CDH18: variants seen among roughly 807,000 people sequenced by gnomAD.
CDH18 encodes cadherin 18.
Under a neutral mutation model 67.9 loss-of-function variants are expected in CDH18, and 31 were observed. The ratio of observed to expected loss-of-function variants is 0.46; its 90% confidence interval spans 0.34 to 0.62. CDH18 has a LOEUF of 0.62. CDH18 is among the 20% of genes least tolerant of loss of function. CDH18 has a pLI of 0.01. For missense variants in CDH18, 890 were observed against 975.5 expected, an observed-to-expected ratio of 0.91 and a Z score of 1.17; for synonymous variants, 362 against 347.2, an observed-to-expected ratio of 1.04 and a Z score of -0.48.
intron 2 of CDH18, among the ~76,000 whole-genome samples, chr5:20,195,057 T>C (rs962260054): frequency 1.3e-5 from 2 of 152,086 alleles, no homozygotes; most frequent in African/African-American, 4.8e-5. Flanking sequence ...TCCAACAGTA[T>C]AACTGCAAAG....
At chr5:19,576,689 A>G (rs1161602593) in intron 7 of CDH18, among the ~76,000 whole-genome samples, 1 of 152,190 alleles carries the variant, frequency 6.6e-6, no homozygotes, top group African/African-American at 2.4e-5. Flanking sequence ...AGGTTCCTCA[A>G]AAAACTGAAA....
At chr5:19,881,054 T>C (rs947139611) in intron 2 of CDH18, among the ~76,000 whole-genome samples, 4 of 152,190 alleles carry the variant, frequency 2.6e-5, no homozygotes, top group Admixed American at 6.6e-5. Flanking sequence ...GGAAGTGTTA[T>C]TCTGGCAAAA....
intron 1 of CDH18, among the ~76,000 whole-genome samples, chr5:20,333,375 C>T (rs543485073): frequency 7.9e-5 from 12 of 151,628 alleles, no homozygotes; most frequent in East Asian, 3.9e-4. Flanking sequence ...GGCATGGTGG[C>T]GCGTGCCTGT....
intron 2 of CDH18, among the ~76,000 whole-genome samples, chr5:20,170,337 T>A (rs2126643289): frequency 6.6e-6 from 1 of 152,244 alleles, no homozygotes; most frequent in Non-Finnish European, 1.5e-5. Context: ...TCCATCTATG[T>A]CCCTGCAAAG....
intron 2 of CDH18, among the ~76,000 whole-genome samples, chr5:19,853,817 T>C (rs1783975497): frequency 6.6e-6 from 1 of 152,096 alleles, no homozygotes; most frequent in Non-Finnish European, 1.5e-5. Flanking sequence ...AATCTCTCTC[T>C]GACAAGACAG....
chr5:20,437,944 T>G (rs545522180), intron 1 of CDH18, among the ~76,000 whole-genome samples: 1 of 151,452 alleles, frequency 6.6e-6, no homozygotes, highest in African/African-American at 2.4e-5. Context: ...TTATAAAAAT[T>G]TAAAAGATGG....
intron 2 of CDH18, among the ~76,000 whole-genome samples, chr5:19,946,436 G>C (rs1240862459): frequency 2.0e-5 from 3 of 152,106 alleles, no homozygotes; most frequent in African/African-American, 7.2e-5. Context: ...AGAGATCTAT[G>C]CAATAGACTG....
At chr5:19,860,346 C>A (rs1008064568) in intron 2 of CDH18, among the ~76,000 whole-genome samples, 6 of 151,676 alleles carry the variant, frequency 4.0e-5, no homozygotes, top group Admixed American at 2.0e-4. Flanking sequence ...CATTCTACAT[C>A]TCCAAATCCT....
intron 2 of CDH18, among the ~76,000 whole-genome samples, chr5:20,075,765 C>A (rs1743874477): frequency 6.6e-6 from 1 of 152,202 alleles, no homozygotes; most frequent in African/African-American, 2.4e-5. Flanking sequence ...ATGCAAAATT[C>A]CCCTGTGTTG....
At chr5:19,984,242 T>G (rs1210106721) in intron 1 of CDH18, among the ~76,000 whole-genome samples, 2 of 151,746 alleles carry the variant, frequency 1.3e-5, no homozygotes, top group South Asian at 2.1e-4. Context: ...GTTGTATATA[T>G]CCATATTAAT....
chr5:19,522,308 A>G (rs1393432718), intron 9 of CDH18, among the ~76,000 whole-genome samples: 1 of 152,174 alleles, frequency 6.6e-6, no homozygotes, highest in Admixed American at 6.5e-5. Context: ...CTTAATGGTG[A>G]AAAATCTAAG....
At chr5:19,731,907 T>TAGAGATACCTA in intron 4 of CDH18, among the ~76,000 whole-genome samples, 1 of 151,980 alleles carries the variant, frequency 6.6e-6, no homozygotes, top group South Asian at 2.1e-4. Context: ...CTGGGCAACA[T>TAGAGATACCTA]GGCAAAACCC....
chr5:20,546,828 C>T (rs1380486413), intron 1 of CDH18, among the ~76,000 whole-genome samples: 1 of 151,704 alleles, frequency 6.6e-6, no homozygotes, highest in Non-Finnish European at 1.5e-5. Flanking sequence ...TTCAACCAAG[C>T]ATACTGAAAA....
At chr5:20,041,540 G>T (rs1740421955) in intron 2 of CDH18, among the ~76,000 whole-genome samples, 1 of 152,052 alleles carries the variant, frequency 6.6e-6, no homozygotes, top group South Asian at 2.1e-4. Context: ...CTCCTCCCGT[G>T]GAAACAAATA....
intron 2 of CDH18, among the ~76,000 whole-genome samples, chr5:19,874,344 C>T (rs1214418351): frequency 2.0e-5 from 3 of 152,130 alleles, no homozygotes. Context: ...AGTTATCTGC[C>T]TGACTCCTTT....
chr5:20,447,880 T>G (rs527787359), intron 1 of CDH18, among the ~76,000 whole-genome samples: 2 of 152,230 alleles, frequency 1.3e-5, no homozygotes, highest in East Asian at 3.9e-4. Flanking sequence ...CTTTGAGATC[T>G]CTTATTTTAT....
At chr5:20,125,421 A>G (rs1424530264) in intron 2 of CDH18, among the ~76,000 whole-genome samples, 1 of 152,156 alleles carries the variant, frequency 6.6e-6, no homozygotes, top group Non-Finnish European at 1.5e-5. Flanking sequence ...ACAAAGTGTC[A>G]TCCACTGTAG....
intron 2 of CDH18, among the ~76,000 whole-genome samples, chr5:19,896,355 G>A (rs1206615364): frequency 6.6e-6 from 1 of 151,900 alleles, no homozygotes; most frequent in Non-Finnish European, 1.5e-5. Flanking sequence ...CTCTCAAAAA[G>A]ATAAAAATAA....
intron 1 of CDH18, among the ~76,000 whole-genome samples, chr5:20,416,515 A>T (rs1460696500): frequency 6.6e-6 from 1 of 152,182 alleles, no homozygotes; most frequent in Non-Finnish European, 1.5e-5. Context: ...CAGAAAGGTG[A>T]TACCACTTAT....
Sources: allele counts gnomAD v4.1 joint callset (sites outside exome capture counted in the v4.1 genomes callset), GRCh38; gene constraint gnomAD v4.1.1; transcripts MANE v1.5; gene names NCBI Gene and HGNC (gene_info 2026-07-23, HGNC 2026-07-21).